Variants in DOCK10 observed in about 807,000 individuals in gnomAD.
The protein encoded by DOCK10 is dedicator of cytokinesis 10.
A neutral mutation model predicts 280.1 loss-of-function variants in DOCK10; 145 were observed. The ratio of observed to expected loss-of-function variants is 0.52; its 90% CI spans 0.45 to 0.59. The LOEUF is 0.59. Among genes scored for constraint, DOCK10 ranks in the 20% least tolerant of loss-of-function variants. The pLI is 0.00. For synonymous variants in DOCK10, 915 were observed against 942.2 expected, an observed-to-expected ratio of 0.97 and a Z score of 0.53; for missense variants, 2,368 against 2,651.7, an observed-to-expected ratio of 0.89 and a Z score of 2.35.
chr2:224,781,063 T>A (rs1468918078), intron 50 of DOCK10, among the ~76,000 whole-genome samples: 1 of 152,086 alleles, frequency 6.6e-6, no homozygotes, highest in African/African-American at 2.4e-5. Flanking sequence ...GTGCTAGCTA[T>A]GTTGAGGATG....
rs1192097969 is a variant in DOCK10 at position 224,805,339 on chromosome 2, A to G, written c.3937-19T>C. ...TTGGGATCTGGGAATTCAAGAACCA[A>G]TCAGGATTGAGTGAGAGTGAGTGAC... On this transcript the variant is annotated intron_variant, in intron 35 of 55. Coordinates refer to ENST00000258390, the MANE Select transcript of DOCK10 (RefSeq NM_014689.3). The surrounding 1 kb of genome is among the most constrained non-coding windows in gnomAD (Gnocchi z 4.3). 2.5e-6 allele frequency: 4 copies of G among 1,612,786 alleles called. No homozygotes were observed. The Admixed American group carries it at 6.7e-5, about 27-fold the overall frequency.
chr2:224,934,774 G>C (rs1702591913), intron 1 of DOCK10, among the ~76,000 whole-genome samples: 1 of 152,194 alleles, frequency 6.6e-6, no homozygotes. Flanking sequence ...GTTTCTTTTG[G>C]AAATGCACCA....
chr2:224,813,862 T>C (rs540481289), intron 31 of DOCK10, among the ~76,000 whole-genome samples: 1 of 152,344 alleles, frequency 6.6e-6, no homozygotes, highest in South Asian at 2.1e-4. Context: ...TTTCCATCTA[T>C]GACTACAGAA....
In DOCK10 at chr2:225,000,190, TCACACACACACACAGACACA is replaced by T. The variant is rs1258998486; in HGVS notation, c.123+42042_123+42061del. Among the ~76,000 whole-genome samples, 422 of 144,232 alleles carry T rather than the reference TCACACACACACACAGACACA, an allele frequency of 2.9e-3. 2 individuals carry two copies. Among genetic ancestry groups the T allele is most frequent in the Non-Finnish European group, 4.5e-3 (294 of 65,990 alleles). 94.6% of individuals were successfully genotyped at this position (144,232 alleles called of 152,430 possible). On this transcript the variant is annotated intron_variant, in intron 1 of 55. Coordinates refer to ENST00000258390, the MANE Select transcript of DOCK10 (RefSeq NM_014689.3). ...TAAAGCAGCATTGGGATCACTCAAG[TCACACACACACACAGACACA>T]CACACACACACACAGACACACACAC...
At chr2:224,981,837 A>G (rs562511022) in intron 1 of DOCK10, among the ~76,000 whole-genome samples, 1 of 152,330 alleles carries the variant, frequency 6.6e-6, no homozygotes, top group South Asian at 2.1e-4. Flanking sequence ...GTGATTTTTA[A>G]AAAACGCCCA....
rs1690451062 is a variant in DOCK10 at position 225,042,172 on chromosome 2, G to A, written c.123+80C>T. On this transcript the variant is annotated intron_variant, in intron 1 of 55. Transcript: ENST00000258390. This position sits in a 1 kb window ranked among gnomAD's most constrained non-coding sequence, Gnocchi z 5.1. ...TGAGCTGCGGGGACCTGGGCCCGCC[G>A]AGCTTTTGGGGAAGCTGGGCTCCGT... is the stretch of plus-strand genomic sequence containing the variant. 4 of 1,209,674 alleles carry A rather than the reference G, an allele frequency of 3.3e-6. No individual in the cohort carries two copies. In the Admixed American group the frequency reaches 1.3e-4, roughly 40 times the overall value. 74.9% of individuals were successfully genotyped at this position (1,209,674 alleles called of 1,614,324 possible).
At chr2:224,916,081 C>T (rs1176429401) in intron 3 of DOCK10, among the ~76,000 whole-genome samples, 1 of 152,228 alleles carries the variant, frequency 6.6e-6, no homozygotes, top group African/African-American at 2.4e-5. Context: ...TACATGAGCC[C>T]TAGCTCTGAG....
Position 224,773,340 on chromosome 2 carries a change from G to GTGAC in DOCK10, c.6017_6020dup (p.His2007GlnfsTer15). ...TTCTCTTCTTCACGTAGGGGAACAGGTGACTCGCTGTACAAAAGCCATACA... is the reference window on the plus strand; with the variant it reads ...TTCTCTTCTTCACGTAGGGGAACAGGTGACTGACTCGCTGTACAAAAGCCATACA... On this transcript the variant is annotated frameshift_variant, in exon 53 of 56. Coordinates refer to ENST00000258390, the MANE Select transcript of DOCK10 (RefSeq NM_014689.3). LOFTEE classifies it high-confidence loss of function. 1.2e-6 allele frequency: 2 copies of GTGAC among 1,609,778 alleles called. No homozygotes were observed. Among genetic ancestry groups the GTGAC allele is most frequent in the Non-Finnish European group, 1.7e-6 (2 of 1,178,102 alleles).
At chr2:224,800,899 C>T (rs1481370534) in intron 40 of DOCK10, among the ~76,000 whole-genome samples, 2 of 151,910 alleles carry the variant, frequency 1.3e-5, no homozygotes, top group African/African-American at 2.4e-5. Context: ...GTAAGATGTA[C>T]GTTGGTTTGG....
In DOCK10 at chr2:224,991,098, C is replaced by T. The variant is rs150041555; in HGVS notation, c.123+51154G>A. Among the ~76,000 whole-genome samples, 159 of 152,292 alleles carry T rather than the reference C, an allele frequency of 1.0e-3. No homozygotes were observed. In the East Asian group the frequency reaches 0.021, roughly 20 times the overall value. ...CCAATTTCTACTGGAAGGATGTCCCCGGTGAAGGCAGGTGGGCTGAAAGCT... is the reference window on the plus strand; with the variant it reads ...CCAATTTCTACTGGAAGGATGTCCCTGGTGAAGGCAGGTGGGCTGAAAGCT... On this transcript the variant is annotated intron_variant, in intron 1 of 55. Transcript: ENST00000258390.
chr2:224,872,014 C>G (rs1282613248), intron 11 of DOCK10, among the ~76,000 whole-genome samples: 1 of 152,256 alleles, frequency 6.6e-6, no homozygotes, highest in Non-Finnish European at 1.5e-5. Context: ...ACAGTAGACA[C>G]TTGGAATAAG....
intron 11 of DOCK10, among the ~76,000 whole-genome samples, chr2:224,872,401 G>A (rs1698347782): frequency 6.6e-6 from 1 of 152,180 alleles, no homozygotes; most frequent in African/African-American, 2.4e-5. Flanking sequence ...CTGACAGTAG[G>A]CCAGTTGCCC....
rs1274153848 is a variant in DOCK10 at position 224,844,733 on chromosome 2, T to C, written c.2568+20A>G. The C allele has an allele frequency of 6.7e-7, 1 of 1,489,468 alleles. No homozygotes were observed. The highest frequency in any genetic ancestry group is 1.2e-5 in the South Asian group (1 of 84,032). 92.3% of individuals were successfully genotyped at this position (1,489,468 alleles called of 1,614,324 possible). ...CTGTGAGTTAGAGAAGATGCTAGTA[T>C]TTCAGGTCAACATACTCACCTGAGT... On this transcript the variant is annotated intron_variant, in intron 22 of 55. Transcript: ENST00000258390.
chr2:224,928,633 T>C (rs1702164114), intron 2 of DOCK10, among the ~76,000 whole-genome samples: 1 of 152,222 alleles, frequency 6.6e-6, no homozygotes, highest in Admixed American at 6.5e-5. Context: ...AGAGATAATA[T>C]CTAACACTAT....
intron 55 of DOCK10, among the ~76,000 whole-genome samples, chr2:224,767,285 TC>T (rs1465248350): frequency 6.6e-6 from 1 of 152,048 alleles, no homozygotes; most frequent in African/African-American, 2.4e-5. Flanking sequence ...TGCCTCAGCC[TC>T]CCAAATAGCT....
At chr2:224,838,445 T>A (rs1452289681) in intron 24 of DOCK10, among the ~76,000 whole-genome samples, 1 of 152,200 alleles carries the variant, frequency 6.6e-6, no homozygotes, top group Non-Finnish European at 1.5e-5. Flanking sequence ...ATCTCAGAAT[T>A]TCAACAGATC....
rs930407510 is a variant in DOCK10, at chr2:224,990,598, AGTTGTTGTT to A, written c.123+51645_123+51653del. ...TTCCCCAGTAAGTAGTTTTTGTTGT[AGTTGTTGTT>A]GTTGTTGTTGTTTTTAAATCTCCTT... On this transcript the variant is annotated intron_variant, in intron 1 of 55. Coordinates refer to ENST00000258390, the MANE Select transcript of DOCK10 (RefSeq NM_014689.3). Among the ~76,000 whole-genome samples, 22 of 122,350 alleles carry A rather than the reference AGTTGTTGTT, an allele frequency of 1.8e-4. No individual in the cohort carries two copies. The East Asian group carries it at 3.1e-3, about 17-fold the overall frequency. The allele number at this position is 122,350 out of a possible 152,430, so 80.3% of individuals were successfully genotyped here.
In DOCK10 at chr2:224,874,127, G is replaced by A; in HGVS notation, c.1126C>T (p.Leu376Phe). The change falls in exon 11 of 56, where the codon CTC becomes TTC. Residue 376 changes from leucine (L) to phenylalanine (F), a missense_variant. By Grantham distance (22) the Leu-to-Phe change is conservative (BLOSUM62 0). This residue lies in a region of DOCK10 where 1,209 missense variants were observed against 1,250.9 expected (regional missense o/e 0.97). Transcript: ENST00000258390. ...TTGATCACAGACTCAGGTTCCAAGA[G>A]ATCTTTTTTTTGAAGTTTCAAGGTC... ...IDTLKLQKKD[L>F]LEPESVIKPF... 6.3e-7 allele frequency: 1 copy of A among 1,599,362 alleles called. No individual in the cohort carries two copies. Among genetic ancestry groups the A allele is most frequent in the East Asian group, 2.2e-5 (1 of 44,778 alleles).
chr2:224,857,003 A>G, intron 14 of DOCK10, 21 bp from the exon 15 acceptor site: 1 of 1,580,606 alleles, frequency 6.3e-7, no homozygotes, highest in Non-Finnish European at 8.6e-7. Context: ...ATATTTATTC[A>G]GGTTGGTAGT....
Sources: allele counts gnomAD v4.1 joint callset (sites outside exome capture counted in the v4.1 genomes callset), GRCh38; gene constraint gnomAD v4.1.1; regional missense constraint gnomAD v4.1.1; non-coding constraint Gnocchi (gnomAD v3.1); transcripts MANE v1.5; gene names NCBI Gene and HGNC (gene_info 2026-07-23, HGNC 2026-07-21).